The following KDM6A variants were observed in gnomAD, a reference collection of about 807,000 sequenced individuals.
The protein encoded by KDM6A is lysine demethylase 6A.
A neutral mutation model predicts 117.6 loss-of-function variants in KDM6A; 11 were observed. The ratio of observed to expected loss-of-function variants is 0.09; its 90% CI spans 0.06 to 0.15. The LOEUF (loss-of-function observed/expected upper bound fraction) is 0.15. Ranked by LOEUF, KDM6A falls within the 10% of genes least tolerant of loss-of-function variation. KDM6A has a pLI of 1.00. For missense variants in KDM6A, 799 were observed against 1,077.3 expected, an observed-to-expected ratio of 0.74 and a Z score of 3.62; for synonymous variants, 384 against 396.1, an observed-to-expected ratio of 0.97 and a Z score of 0.36.
At chrX:45,082,666 G>T in intron 22 of KDM6A, 26 bp downstream of exon 22, 1 of 1,170,989 alleles carries the variant, frequency 8.5e-7, no homozygotes, top group Non-Finnish European at 1.2e-6. Flanking sequence ...TGTCCACTTA[G>T]TATTTCTTTT....
At chrX:45,096,693 T>C (rs2046122543) in intron 27 of KDM6A, among the ~76,000 whole-genome samples, 1 of 111,415 alleles carries the variant, frequency 9.0e-6, no homozygotes, top group Non-Finnish European at 1.9e-5. Flanking sequence ...ATTACTATTA[T>C]TAAAAAGTTA....
rs139295365 is a variant in KDM6A, at chrX:45,092,681, G to C, written c.4034+1817G>C. Among the ~76,000 whole-genome samples the C allele has an allele frequency of 8.5e-3, 949 of 111,337 alleles. 11 individuals are homozygous for C. The highest frequency in any genetic ancestry group is 0.03 in the African/African-American group (914 of 30,649). ...TAGTAGAACAAGACAGAAACCCCCA[G>C]TATAATTTATTTATATGAATAAGAT... On this transcript the variant is annotated intron_variant, in intron 27 of 29. Coordinates refer to ENST00000611820, the MANE Select transcript of KDM6A (RefSeq NM_001291415.2).
At chrX:44,922,057 T>TTTTTTTTTTTTTTTTTTTTTTTTTTTTG (rs2035985919) in intron 2 of KDM6A, among the ~76,000 whole-genome samples, 1 of 66,536 alleles carries the variant, frequency 1.5e-5, no homozygotes, top group Non-Finnish European at 2.9e-5. Context: ...TTTTTTTTTT[T>TTTTTTTTTTTTTTTTTTTTTTTTTTTTG]TTTTTTTAAG....
At chrX:45,011,987 A>G (rs991369819) in intron 5 of KDM6A, among the ~76,000 whole-genome samples, 47 of 108,211 alleles carry the variant, frequency 4.3e-4, no homozygotes, top group African/African-American at 6.8e-5. Context: ...GCCTCCCCCT[A>G]TGTTGCCCAG....
At chrX:45,059,543 A>G in intron 12 of KDM6A, 77 bp downstream of exon 12, 3 of 696,347 alleles carry the variant, frequency 4.3e-6, no homozygotes. Context: ...GTGGCTGGAA[A>G]GTTTGTCTAG....
At chrX:44,952,570 A>G (rs772918146) in intron 2 of KDM6A, among the ~76,000 whole-genome samples, 10 of 111,327 alleles carry the variant, frequency 9.0e-5, no homozygotes, top group Non-Finnish European at 1.7e-4. Flanking sequence ...ACCGCGTTCA[A>G]CCCCTCTGCT....
chrX:44,879,294 A>G (rs2032012171), intron 2 of KDM6A, among the ~76,000 whole-genome samples: 1 of 112,357 alleles, frequency 8.9e-6, no homozygotes. Context: ...ATGACTGCTA[A>G]CACTGCATTA....
chrX:44,971,117 C>G (rs1456280425), intron 3 of KDM6A, among the ~76,000 whole-genome samples: 2 of 111,658 alleles, frequency 1.8e-5, no homozygotes, highest in Non-Finnish European at 3.8e-5. Flanking sequence ...ATTGACTACA[C>G]AAACTCTTGC....
At chrX:44,942,668 A>C (rs139079992) in intron 2 of KDM6A, among the ~76,000 whole-genome samples, 4,155 of 109,071 alleles carry the variant, frequency 0.038, 210 homozygotes, top group African/African-American at 0.13. Flanking sequence ...TTATATCTCT[A>C]TATAAATATA....
At chrX:44,889,722 T>C (rs2033183734) in intron 2 of KDM6A, among the ~76,000 whole-genome samples, 1 of 112,294 alleles carries the variant, frequency 8.9e-6, no homozygotes, top group African/African-American at 3.2e-5. Flanking sequence ...CTAACGTAAG[T>C]TTTTTGGCTC....
intron 2 of KDM6A, among the ~76,000 whole-genome samples, chrX:44,892,566 C>T (rs760463586): frequency 7.2e-4 from 80 of 111,203 alleles, no homozygotes; most frequent in African/African-American, 2.4e-3. Flanking sequence ...GTTGCCGGCG[C>T]TTGTAGTCCC....
At chrX:45,052,905 G>C (rs752784261) in intron 9 of KDM6A, among the ~76,000 whole-genome samples, 132 of 110,691 alleles carry the variant, frequency 1.2e-3, no homozygotes, top group African/African-American at 4.3e-3. Flanking sequence ...GTGTTGCCCA[G>C]GGTGGTCTCA....
intron 2 of KDM6A, among the ~76,000 whole-genome samples, chrX:44,922,904 C>CT (rs1195632541): frequency 2.0e-5 from 2 of 100,927 alleles, no homozygotes; most frequent in African/African-American, 9.2e-5. Flanking sequence ...GCCTGAACGA[C>CT]TTTAAGTTCT....
intron 3 of KDM6A, among the ~76,000 whole-genome samples, chrX:44,963,477 GTGTGTGTGTCTGTCTGTCTGTCTC>G (rs2038811613): frequency 2.7e-5 from 1 of 36,722 alleles, no homozygotes; most frequent in African/African-American, 6.8e-5. Context: ...GTGTGTGTGT[GTGTGTGTGTCTGTCTGTCTGTCTC>G]TGTCTGTCTG....
At chrX:44,996,791 A>G (rs1389731536) in intron 4 of KDM6A, among the ~76,000 whole-genome samples, 1 of 111,927 alleles carries the variant, frequency 8.9e-6, no homozygotes, top group Non-Finnish European at 1.9e-5. Flanking sequence ...TAACTTACAT[A>G]TGCTGGTTAC....
rs2031000683 is a variant in KDM6A, at chrX:44,873,270, G to A, written c.-282G>A. 1 of 344,613 alleles carries A rather than the reference G, an allele frequency of 2.9e-6. No homozygotes were observed. The allele number at this position is 344,613 out of a possible 1,213,427, so 28.4% of individuals were successfully genotyped here. ...CTCCCCAGCCCCGCGCGCTCCGGCC[G>A]TTCCCGCCGTCCCCGCCTGTGGCTG... On this transcript the variant is annotated 5_prime_UTR_variant, in exon 1 of 30. Coordinates refer to ENST00000611820, the MANE Select transcript of KDM6A (RefSeq NM_001291415.2).
chrX:45,058,036 A>T (rs1329739617), intron 10 of KDM6A, among the ~76,000 whole-genome samples: 4 of 105,501 alleles, frequency 3.8e-5, no homozygotes, highest in Non-Finnish European at 7.8e-5. Flanking sequence ...TCACTAAATA[A>T]TATGCATCTT....
intron 2 of KDM6A, among the ~76,000 whole-genome samples, chrX:44,875,471 A>C (rs964917680): frequency 2.7e-5 from 3 of 111,434 alleles, no homozygotes; most frequent in African/African-American, 9.8e-5. Flanking sequence ...GTAGGTATTA[A>C]TTGGCTTCAT....
rs141267602 is a variant in KDM6A at position 44,921,272 on chromosome X, T to C, written c.226-40012T>C. ...GGACGGGGAGGTCTTGTGCACTCTT[T>C]ACCCAACTTTCCCCAATGTTAGCAT... On this transcript the variant is annotated intron_variant, in intron 2 of 29. Coordinates refer to ENST00000611820, the MANE Select transcript of KDM6A (RefSeq NM_001291415.2). Among the ~76,000 whole-genome samples the C allele has an allele frequency of 6.0e-3, 673 of 112,207 alleles. 5 individuals are homozygous for C. The highest frequency in any genetic ancestry group is 0.02 in the African/African-American group (633 of 30,879).
Sources: allele counts gnomAD v4.1 joint callset (sites outside exome capture counted in the v4.1 genomes callset), GRCh38; gene constraint gnomAD v4.1.1; transcripts MANE v1.5; gene names NCBI Gene and HGNC (gene_info 2026-07-23, HGNC 2026-07-21).